DENND1A: variants seen among roughly 807,000 people sequenced by gnomAD.
DENND1A encodes DENN domain containing 1A.
Under a neutral mutation model 113.7 loss-of-function variants are expected in DENND1A, and 51 were observed. The observed-to-expected ratio is 0.45, with a 90% confidence interval of 0.36 to 0.57. The LOEUF is 0.57. Among genes scored for constraint, DENND1A ranks in the 20% least tolerant of loss-of-function variants. The pLI is 0.00. For missense variants in DENND1A, 1,258 were observed against 1,395.9 expected (o/e 0.90, Z 1.57); for synonymous variants, 565 against 570.8 (o/e 0.99, Z 0.14).
chr9:123,610,650 G>A (rs866902253), intron 10 of DENND1A, among the ~76,000 whole-genome samples: 2 of 152,302 alleles, frequency 1.3e-5, no homozygotes, highest in Middle Eastern at 3.4e-3. Flanking sequence ...TGTGCAGATG[G>A]TATTTTGTGA....
At chr9:123,886,855 C>T (rs1564447702) in intron 1 of DENND1A, among the ~76,000 whole-genome samples, 1 of 152,186 alleles carries the variant, frequency 6.6e-6, no homozygotes, top group African/African-American at 2.4e-5. Context: ...TTCAAGACTA[C>T]ACTTAACTTC....
At chr9:123,444,952 A>T (rs2047192169) in intron 18 of DENND1A, among the ~76,000 whole-genome samples, 1 of 152,250 alleles carries the variant, frequency 6.6e-6, no homozygotes, top group South Asian at 2.1e-4. Flanking sequence ...ACAGGGTGGC[A>T]AATCTCTTCC....
intron 2 of DENND1A, among the ~76,000 whole-genome samples, chr9:123,860,992 T>C (rs1844979894): frequency 6.6e-6 from 1 of 152,200 alleles, no homozygotes; most frequent in Admixed American, 6.5e-5. Flanking sequence ...CAAAGGGTAA[T>C]CAGTGATAAT....
chr9:123,765,430 C>T (rs1423498395), intron 4 of DENND1A, among the ~76,000 whole-genome samples: 1 of 152,050 alleles, frequency 6.6e-6, no homozygotes, highest in Non-Finnish European at 1.5e-5. Flanking sequence ...AACAGATGCC[C>T]AATAAAATGG....
chr9:123,411,582 T>C (rs1371792295), intron 20 of DENND1A, 194 bp downstream of exon 20: 2 of 183,160 alleles, frequency 1.1e-5, no homozygotes, highest in Admixed American at 1.3e-4. Flanking sequence ...TCACCAAACT[T>C]ATTCACGAAA....
intron 13 of DENND1A, chr9:123,492,985 G>A (rs2051516694): frequency 6.6e-6 from 1 of 152,260 alleles, no homozygotes; most frequent in Non-Finnish European, 1.5e-5. Context: ...GGGGAATAAT[G>A]ACACATGGTT....
intron 19 of DENND1A, among the ~76,000 whole-genome samples, chr9:123,432,820 G>C (rs893808027): frequency 6.6e-5 from 10 of 152,230 alleles, no homozygotes; most frequent in African/African-American, 2.4e-4. Flanking sequence ...GGCTTGGGCA[G>C]CATTATCCAC....
At chr9:123,708,593 T>C (rs1427235207) in intron 5 of DENND1A, among the ~76,000 whole-genome samples, 1 of 152,104 alleles carries the variant, frequency 6.6e-6, no homozygotes, top group Non-Finnish European at 1.5e-5. Context: ...TAACAACATA[T>C]AAAATATTAC....
chr9:123,813,121 T>C (rs1055574154), intron 2 of DENND1A, among the ~76,000 whole-genome samples: 4 of 152,086 alleles, frequency 2.6e-5, no homozygotes, highest in African/African-American at 7.2e-5. Context: ...ACCTGTGGTC[T>C]CAGCTAATTT....
At chr9:123,471,515 G>A (rs1428346636) in intron 13 of DENND1A, among the ~76,000 whole-genome samples, 2 of 152,202 alleles carry the variant, frequency 1.3e-5, no homozygotes, top group Admixed American at 6.5e-5. Flanking sequence ...ACCTGTGCAG[G>A]ACATGTGACA....
intron 13 of DENND1A, among the ~76,000 whole-genome samples, chr9:123,467,512 A>G (rs1382196327): frequency 6.6e-6 from 1 of 152,040 alleles, no homozygotes; most frequent in African/African-American, 2.4e-5. Flanking sequence ...AAAATTAGCC[A>G]GGCATATTGG....
At position 123,442,928 on chromosome 9, in the gene DENND1A, C is replaced by T. The variant is rs547550576; in HGVS notation, c.1357-2437G>A. On this transcript the variant is annotated intron_variant, in intron 18 of 23. Coordinates refer to ENST00000394215, the MANE Select transcript of DENND1A (RefSeq NM_001352964.2). ...GGAAGCTTTGAAAAATGTCACAGCA[C>T]TGTGCAAATTGAACCTCAATTTGCA... 4.6e-5 allele frequency among the ~76,000 whole-genome samples: 7 copies of T among 152,282 alleles called. No individual in the cohort carries two copies. The South Asian group carries it at 1.5e-3, about 32-fold the overall frequency.
chr9:123,796,950 A>G (rs1229015226), intron 2 of DENND1A, among the ~76,000 whole-genome samples: 1 of 152,140 alleles, frequency 6.6e-6, no homozygotes, highest in Non-Finnish European at 1.5e-5. Flanking sequence ...ATCATCTCCT[A>G]TAATAGGACC....
chr9:123,497,770 G>A (rs890108917), intron 13 of DENND1A, among the ~76,000 whole-genome samples: 2 of 145,942 alleles, frequency 1.4e-5, no homozygotes, highest in African/African-American at 2.5e-5. Flanking sequence ...AGAAATACAG[G>A]CTATTTCTAG....
At chr9:123,533,673 G>C (rs1317574997) in intron 13 of DENND1A, among the ~76,000 whole-genome samples, 3 of 152,198 alleles carry the variant, frequency 2.0e-5, no homozygotes, top group African/African-American at 7.2e-5. Context: ...TACAGAGGGG[G>C]ACCCATTGGA....
At chr9:123,694,957 C>A (rs1589699510) in intron 5 of DENND1A, among the ~76,000 whole-genome samples, 1 of 152,256 alleles carries the variant, frequency 6.6e-6, no homozygotes, top group African/African-American at 2.4e-5. Flanking sequence ...CAGATCCACC[C>A]TTAATCTGGT....
At chr9:123,384,079 G>C (rs1052480955) in intron 22 of DENND1A, among the ~76,000 whole-genome samples, 166 bp from the exon 23 acceptor site, 1 of 152,224 alleles carries the variant, frequency 6.6e-6, no homozygotes, top group Non-Finnish European at 1.5e-5. Context: ...GAGGCTGCGA[G>C]GGTGCAAGCT....
intron 5 of DENND1A, among the ~76,000 whole-genome samples, chr9:123,684,100 A>G (rs1050784495): frequency 7.1e-6 from 1 of 141,516 alleles, no homozygotes; most frequent in African/African-American, 3.2e-5. Flanking sequence ...TCTCCTCAAC[A>G]CAAGTAAACC....
intron 9 of DENND1A, among the ~76,000 whole-genome samples, chr9:123,635,831 G>C (rs946167750): frequency 7.2e-5 from 11 of 152,124 alleles, no homozygotes; most frequent in Admixed American, 6.5e-5. Flanking sequence ...GCTTTTTGTC[G>C]TGTTCCCTTT....
Sources: gnomAD v4.1 joint callset for allele counts (sites outside exome capture counted in the v4.1 genomes callset) on GRCh38, gnomAD v4.1.1 for gene constraint, MANE v1.5 for transcripts, NCBI Gene and HGNC (gene_info 2026-07-23, HGNC 2026-07-21) for gene names.